Variants in DOCK1 observed in about 807,000 individuals in gnomAD.
The protein encoded by DOCK1 is dedicator of cytokinesis protein 1.
A neutral mutation model predicts 262.7 loss-of-function variants in DOCK1; 138 were observed. The ratio of observed to expected loss-of-function variants is 0.53; its 90% CI spans 0.46 to 0.61. The LOEUF is 0.61. Among genes scored for constraint, DOCK1 ranks in the 20% least tolerant of loss-of-function variants. DOCK1 has a pLI of 0.00. For missense variants in DOCK1, 1,908 were observed against 2,370.7 expected (o/e 0.80, Z 4.05); for synonymous variants, 866 against 867.4 (o/e 1.00, Z 0.03).
intron 27 of DOCK1, among the ~76,000 whole-genome samples, chr10:127,233,818 G>A (rs2058943496): frequency 6.6e-6 from 1 of 152,180 alleles, no homozygotes; most frequent in Non-Finnish European, 1.5e-5. Flanking sequence ...TTACATATAA[G>A]TTGTGTTTTG....
chr10:127,076,100 G>A (rs2046518523), intron 23 of DOCK1, among the ~76,000 whole-genome samples: 3 of 152,152 alleles, frequency 2.0e-5, no homozygotes, highest in Non-Finnish European at 2.9e-5. Context: ...ACACAGAGGG[G>A]TGCAAAGGTT....
At chr10:127,364,653 C>T (rs946651282) in intron 33 of DOCK1, among the ~76,000 whole-genome samples, 2 of 152,200 alleles carry the variant, frequency 1.3e-5, no homozygotes, top group African/African-American at 4.8e-5. Flanking sequence ...CGTGAGCCAC[C>T]GTGCCCAGCC....
chr10:127,193,324 A>G (rs1045120558), intron 27 of DOCK1, among the ~76,000 whole-genome samples: 2 of 152,128 alleles, frequency 1.3e-5, no homozygotes, highest in Non-Finnish European at 1.5e-5. Flanking sequence ...AGTATGTAGA[A>G]TTTGCCTGCC....
At chr10:126,955,907 C>T (rs2036697908) in intron 1 of DOCK1, among the ~76,000 whole-genome samples, 1 of 152,128 alleles carries the variant, frequency 6.6e-6, no homozygotes, top group Non-Finnish European at 1.5e-5. Context: ...TGCACACTAG[C>T]TGGCTCAAAT....
At chr10:126,984,079 G>C (rs562293592) in intron 4 of DOCK1, among the ~76,000 whole-genome samples, 2 of 152,028 alleles carry the variant, frequency 1.3e-5, no homozygotes, top group Non-Finnish European at 2.9e-5. Flanking sequence ...TCCTGTGTCC[G>C]CTACTCTGAG....
chr10:127,028,651 C>T (rs1480055669), intron 16 of DOCK1, among the ~76,000 whole-genome samples: 2 of 152,212 alleles, frequency 1.3e-5, no homozygotes, highest in African/African-American at 4.8e-5. Context: ...GCTGTATACA[C>T]AACAAGCTGC....
intron 23 of DOCK1, among the ~76,000 whole-genome samples, chr10:127,076,478 A>G (rs147687428): frequency 0.024 from 3,713 of 152,282 alleles, 57 homozygotes; most frequent in Non-Finnish European, 0.033. Flanking sequence ...TCCAGCCTGG[A>G]TGACAGAGCA....
intron 23 of DOCK1, among the ~76,000 whole-genome samples, chr10:127,077,102 C>T (rs987467087): frequency 3.3e-5 from 5 of 152,074 alleles, no homozygotes; most frequent in Admixed American, 1.3e-4. Context: ...TAATTAAGTT[C>T]TTACTACGAG....
chr10:127,162,640 A>G (rs1353774666), intron 27 of DOCK1, among the ~76,000 whole-genome samples: 1 of 152,224 alleles, frequency 6.6e-6, no homozygotes, highest in African/African-American at 2.4e-5. Context: ...CTGTACATGT[A>G]AACTCCATGT....
chr10:126,920,470 G>C (rs1247866297), intron 1 of DOCK1, among the ~76,000 whole-genome samples: 1 of 152,158 alleles, frequency 6.6e-6, no homozygotes, highest in Admixed American at 6.5e-5. Context: ...CAGAGCTTTC[G>C]GGTCTTGATC....
intron 38 of DOCK1, among the ~76,000 whole-genome samples, chr10:127,399,176 G>A (rs754402935): frequency 6.6e-6 from 1 of 152,154 alleles, no homozygotes. Context: ...TAAGGATTTC[G>A]CATCAGAAAA....
chr10:126,963,494 A>G (rs952907158), intron 1 of DOCK1, among the ~76,000 whole-genome samples: 8 of 152,022 alleles, frequency 5.3e-5, no homozygotes, highest in African/African-American at 1.2e-4. Context: ...TAATAACACC[A>G]TTATAACCAG....
At chr10:127,050,327 T>A (rs1217532405) in intron 21 of DOCK1, among the ~76,000 whole-genome samples, 1 of 151,420 alleles carries the variant, frequency 6.6e-6, no homozygotes, top group Admixed American at 6.6e-5. Flanking sequence ...ATAATAGATA[T>A]TTCTTAATTA....
At chr10:126,948,576 C>G (rs896042812) in intron 1 of DOCK1, among the ~76,000 whole-genome samples, 5 of 151,866 alleles carry the variant, frequency 3.3e-5, no homozygotes, top group Admixed American at 1.3e-4. Flanking sequence ...GATAGGCACC[C>G]TGAAACAGGG....
intron 1 of DOCK1, among the ~76,000 whole-genome samples, chr10:126,912,962 T>G (rs1487364976): frequency 2.0e-5 from 3 of 151,544 alleles, no homozygotes; most frequent in Non-Finnish European, 4.4e-5. Context: ...ATCTACAGTT[T>G]CCCTCTGTCT....
intron 1 of DOCK1, among the ~76,000 whole-genome samples, chr10:126,960,745 T>TATATATATATATATACAC (rs1429186588): frequency 1.1e-3 from 125 of 115,498 alleles, no homozygotes; most frequent in African/African-American, 3.9e-3. Context: ...TATATATATA[T>TATATATATATATATACAC]ACACACACAC....
chr10:127,355,570 C>T (rs2064105409), intron 32 of DOCK1, among the ~76,000 whole-genome samples: 1 of 152,214 alleles, frequency 6.6e-6, no homozygotes, highest in Admixed American at 6.5e-5. Context: ...CCTCTGCTTC[C>T]TTCCTTCAAA....
chr10:126,963,626 T>G, intron 1 of DOCK1, among the ~76,000 whole-genome samples: 1 of 55,040 alleles, frequency 1.8e-5, no homozygotes, highest in Non-Finnish European at 2.9e-5. Flanking sequence ...TTCCCTTCCC[T>G]TCCCTTCCCT....
intron 27 of DOCK1, among the ~76,000 whole-genome samples, chr10:127,211,532 A>G (rs1367483887): frequency 2.0e-5 from 3 of 152,248 alleles, no homozygotes; most frequent in African/African-American, 7.2e-5. Context: ...CAGAGGAAAT[A>G]TAACTGTCTG....
Sources: allele counts gnomAD v4.1 joint callset (sites outside exome capture counted in the v4.1 genomes callset), GRCh38; gene constraint gnomAD v4.1.1; transcripts MANE v1.5; gene names NCBI Gene and HGNC (gene_info 2026-07-23, HGNC 2026-07-21).